Variants in SNX29 observed in about 807,000 individuals in gnomAD.
SNX29 encodes the protein sorting nexin 29.
In SNX29, 78 loss-of-function variants were observed where a neutral mutation model predicts 102.1. That is an observed-to-expected ratio of 0.76 (90% CI 0.64 to 0.92). SNX29 has a LOEUF of 0.92. Among genes scored for constraint, SNX29 ranks in the 40% least tolerant of loss-of-function variants. The probability of loss-of-function intolerance (pLI) is 0.00; values close to 1 mark genes in which losing one functional copy is unlikely to be tolerated. For missense variants in SNX29, 1,280 were observed against 1,061.7 expected (o/e 1.21, Z -2.86); for synonymous variants, 580 against 414.5 (o/e 1.40, Z -4.85).
intron 20 of SNX29, among the ~76,000 whole-genome samples, chr16:12,554,038 C>G (rs1378436114): frequency 2.0e-5 from 3 of 152,212 alleles, no homozygotes; most frequent in Non-Finnish European, 2.9e-5. Context: ...GTTGCCCAGG[C>G]TGGTCTGTAA....
At chr16:12,053,561 C>T (rs1426124049) in intron 8 of SNX29, among the ~76,000 whole-genome samples, 1 of 151,852 alleles carries the variant, frequency 6.6e-6, no homozygotes, top group African/African-American at 2.4e-5. Flanking sequence ...AATGAATATA[C>T]AGAAATGTAT....
chr16:12,557,015 A>ACCCCCCCCCCCCCCCCCCCCCC (rs11387141), intron 20 of SNX29, among the ~76,000 whole-genome samples: 1 of 31,812 alleles, frequency 3.1e-5, no homozygotes, highest in African/African-American at 1.4e-4. Flanking sequence ...TGGCTAATTT[A>ACCCCCCCCCCCCCCCCCCCCCC]CCCCCCCCCC....
intron 13 of SNX29, among the ~76,000 whole-genome samples, chr16:12,189,485 G>T (rs184774885): frequency 6.6e-6 from 1 of 152,110 alleles, no homozygotes; most frequent in Non-Finnish European, 1.5e-5. Flanking sequence ...ATGCATCTTC[G>T]TAGGAATGTT....
chr16:12,165,116 C>G (rs2055960925), intron 13 of SNX29, among the ~76,000 whole-genome samples: 1 of 152,192 alleles, frequency 6.6e-6, no homozygotes, highest in Non-Finnish European at 1.5e-5. Flanking sequence ...CTTAGCAGAA[C>G]TTTTGGAGAC....
Position 12,573,731 on chromosome 16 carries a change from C to T in SNX29, c.*5102C>T, listed in dbSNP as rs868812176. 8 of 223,492 alleles carry T rather than the reference C, an allele frequency of 3.6e-5. No individual in the cohort carries two copies. Among genetic ancestry groups the T allele is most frequent in the African/African-American group, 1.1e-4 (5 of 44,760 alleles). 13.8% of individuals were successfully genotyped at this position (223,492 alleles called of 1,614,324 possible). A position where few individuals can be genotyped will look rare whatever the true frequency, so the allele number is the denominator to read the frequency against. On this transcript the variant is annotated 3_prime_UTR_variant, in exon 21 of 21. Transcript: ENST00000566228. ...GACAGTAGCACACGGAATGGTGGAT[C>T]GTACATTTGCACCCAGAGCTACTAA...
chr16:12,524,816 C>T lies in SNX29; in HGVS notation c.2293C>T (p.Leu765Phe). 1.2e-6 allele frequency: 2 copies of T among 1,613,654 alleles called. No individual in the cohort carries two copies. Among genetic ancestry groups the T allele is most frequent in the Non-Finnish European group, 1.7e-6 (2 of 1,179,748 alleles). Residue 765 changes from leucine (L) to phenylalanine (F), a missense_variant, in exon 20 of 21, where the codon CTC becomes TTC. Coordinates refer to ENST00000566228, the MANE Select transcript of SNX29 (RefSeq NM_032167.5). Reference protein sequence around the residue: ...EFAASPKKETLIQLMPFFVDI... With the variant: ...EFAASPKKETFIQLMPFFVDI... Reference sequence around the variant, plus strand: ...CGCTGCCAGCCCCAAGAAGGAGACCCTCATCCAGCTGATGCCCTTCTTCGT... The same window carrying T: ...CGCTGCCAGCCCCAAGAAGGAGACCTTCATCCAGCTGATGCCCTTCTTCGT...
At chr16:12,212,656 T>C (rs1017346227) in intron 14 of SNX29, among the ~76,000 whole-genome samples, 1 of 152,368 alleles carries the variant, frequency 6.6e-6, no homozygotes, top group African/African-American at 2.4e-5. Flanking sequence ...AAATGTCTGT[T>C]CTTGTTTGCT....
At chr16:12,413,890 G>GT (rs1349151187) in intron 18 of SNX29, among the ~76,000 whole-genome samples, 1 of 151,640 alleles carries the variant, frequency 6.6e-6, no homozygotes, top group East Asian at 1.9e-4. Flanking sequence ...TCCCTTGCTT[G>GT]TCTGGGGGGG....
At chr16:12,408,349 T>G (rs1288167232) in intron 18 of SNX29, among the ~76,000 whole-genome samples, 1 of 152,192 alleles carries the variant, frequency 6.6e-6, no homozygotes, top group Non-Finnish European at 1.5e-5. Context: ...GGGTCCACTG[T>G]GGTGCACACA....
At chr16:12,000,149 C>T (rs2056234382) in intron 2 of SNX29, among the ~76,000 whole-genome samples, 1 of 152,158 alleles carries the variant, frequency 6.6e-6, no homozygotes. Flanking sequence ...ATGCTTGACT[C>T]CGGCTGGGCT....
At chr16:12,342,138 G>A (rs1031179904) in intron 15 of SNX29, among the ~76,000 whole-genome samples, 2 of 152,186 alleles carry the variant, frequency 1.3e-5, no homozygotes, top group Non-Finnish European at 2.9e-5. Flanking sequence ...GGTGGCCTAG[G>A]CAGGGAAGCA....
chr16:12,460,842 G>A (rs1387768795), intron 18 of SNX29, among the ~76,000 whole-genome samples: 2 of 152,002 alleles, frequency 1.3e-5, no homozygotes, highest in East Asian at 1.9e-4. Context: ...TGTACTTTTA[G>A]TAGAGAGAAT....
At chr16:12,188,686 A>G (rs1350504886) in intron 13 of SNX29, among the ~76,000 whole-genome samples, 1 of 152,178 alleles carries the variant, frequency 6.6e-6, no homozygotes, top group East Asian at 1.9e-4. Context: ...TTTATAAAAT[A>G]AATAGTGCAA....
At chr16:12,478,222 A>G (rs1242900965) in intron 19 of SNX29, among the ~76,000 whole-genome samples, 1 of 152,252 alleles carries the variant, frequency 6.6e-6, no homozygotes, top group Non-Finnish European at 1.5e-5. Context: ...ACAAATGAGT[A>G]TGGCTATGTG....
chr16:12,520,790 G>T (rs1010104038), intron 19 of SNX29, among the ~76,000 whole-genome samples: 1 of 152,066 alleles, frequency 6.6e-6, no homozygotes, highest in Admixed American at 6.5e-5. Flanking sequence ...GGACTTTGGG[G>T]ACTCAGGCGT....
At chr16:12,121,161 A>T (rs1212077488) in intron 11 of SNX29, among the ~76,000 whole-genome samples, 1 of 152,198 alleles carries the variant, frequency 6.6e-6, no homozygotes, top group Non-Finnish European at 1.5e-5. Flanking sequence ...CAAGTGACCC[A>T]CAGGCTTGGG....
rs182827308 is a variant in SNX29 at position 12,538,862 on chromosome 16, G to A, written c.2318+14021G>A. Among the ~76,000 whole-genome samples the A allele has an allele frequency of 2.6e-3, 388 of 152,134 alleles. 1 individual carries two copies. The highest frequency in any genetic ancestry group is 0.01 in the South Asian group (50 of 4,812). On this transcript the variant is annotated intron_variant, in intron 20 of 20. Transcript: ENST00000566228. The stretch of plus-strand genomic sequence containing the variant: ...CGTGGCAAAGAGGGGCACAGAGAAC[G>A]GTAGATGGGGCCATTTGTACACTTG...
intron 16 of SNX29, among the ~76,000 whole-genome samples, chr16:12,369,279 G>A (rs976214980): frequency 1.3e-5 from 2 of 152,036 alleles, no homozygotes; most frequent in Non-Finnish European, 2.9e-5. Flanking sequence ...GGGATTACAG[G>A]TGTGTGCCAC....
At chr16:12,289,852 C>T (rs371132224) in intron 15 of SNX29, among the ~76,000 whole-genome samples, 19 of 151,984 alleles carry the variant, frequency 1.3e-4, no homozygotes, top group African/African-American at 4.3e-4. Context: ...TTGATGGACG[C>T]GAGTGAAAGA....
Sources: allele counts gnomAD v4.1 joint callset (sites outside exome capture counted in the v4.1 genomes callset), GRCh38; gene constraint gnomAD v4.1.1; transcripts MANE v1.5; gene names NCBI Gene and HGNC (gene_info 2026-07-23, HGNC 2026-07-21).